The following LRRIQ3 variants were observed in gnomAD, a reference collection of about 807,000 sequenced individuals.
LRRIQ3 encodes leucine rich repeats and IQ motif containing 3, also known as leucine-rich repeat and IQ domain-containing protein 3.
A neutral mutation model predicts 59.3 loss-of-function variants in LRRIQ3; 75 were observed. The ratio of observed to expected loss-of-function variants is 1.26; its 90% CI spans 1.05 to 1.53. The LOEUF is 1.53. Ranked by LOEUF, LRRIQ3 falls within the 40% of genes most tolerant of loss-of-function variation. LRRIQ3 has a pLI of 0.00. For missense variants in LRRIQ3, 831 were observed against 710.0 expected (o/e 1.17, Z -1.94); for synonymous variants, 250 against 231.3 (o/e 1.08, Z -0.73).
At chr1:74,085,113 G>C (rs1233330175) in intron 5 of LRRIQ3, among the ~76,000 whole-genome samples, 2 of 151,648 alleles carry the variant, frequency 1.3e-5, no homozygotes, top group African/African-American at 2.4e-5. Context: ...ATGATAAGCA[G>C]ATTCTGTCAG....
intron 5 of LRRIQ3, among the ~76,000 whole-genome samples, chr1:74,105,677 C>T (rs1203312989): frequency 6.6e-6 from 1 of 151,794 alleles, no homozygotes; most frequent in Non-Finnish European, 1.5e-5. Context: ...AATAATACAT[C>T]TAATAATAAT....
chr1:74,162,334 A>G (rs976318153), intron 3 of LRRIQ3, among the ~76,000 whole-genome samples: 14 of 151,876 alleles, frequency 9.2e-5, no homozygotes, highest in South Asian at 2.1e-4. Flanking sequence ...GATAATCACT[A>G]CAAATGTTTT....
intron 3 of LRRIQ3, chr1:74,181,085 G>A: frequency 2.8e-6 from 1 of 354,354 alleles, no homozygotes; most frequent in Non-Finnish European, 5.2e-6. Context: ...CATATATTAG[G>A]TACTCAGTAT....
intron 6 of LRRIQ3, among the ~76,000 whole-genome samples, chr1:74,060,809 T>C (rs1398176067): frequency 1.3e-5 from 2 of 152,102 alleles, no homozygotes; most frequent in East Asian, 1.9e-4. Flanking sequence ...AAGGAAGGCA[T>C]TGAGAGTGGA....
At chr1:74,086,926 G>A (rs1557608558) in intron 5 of LRRIQ3, among the ~76,000 whole-genome samples, 1 of 151,982 alleles carries the variant, frequency 6.6e-6, no homozygotes, top group Admixed American at 6.6e-5. Flanking sequence ...CTTGTCATCT[G>A]TAACATTTCA....
At chr1:74,086,654 A>C (rs913035383) in intron 5 of LRRIQ3, among the ~76,000 whole-genome samples, 4 of 152,134 alleles carry the variant, frequency 2.6e-5, no homozygotes, top group Admixed American at 6.6e-5. Flanking sequence ...AAAGCTCTAA[A>C]AGTTATCAAA....
At chr1:74,067,977 A>C (rs1302031422) in intron 6 of LRRIQ3, among the ~76,000 whole-genome samples, 1 of 152,062 alleles carries the variant, frequency 6.6e-6, no homozygotes, top group Non-Finnish European at 1.5e-5. Flanking sequence ...AAACATAGTC[A>C]AGTACAACCA....
Position 74,041,678 on chromosome 1 carries a change from C to T in LRRIQ3, c.1253G>A (p.Arg418Gln), listed in dbSNP as rs770132340. 17 of 1,613,516 alleles carry T rather than the reference C, an allele frequency of 1.1e-5. No individual in the cohort carries two copies. Among genetic ancestry groups the T allele is most frequent in the Middle Eastern group, 1.7e-4 (1 of 6,056 alleles). The change falls in exon 7 of 8, where the codon CGA becomes CAA. Residue 418 changes from arginine (R) to glutamine (Q), a missense_variant. Coordinates refer to ENST00000354431, the MANE Select transcript of LRRIQ3 (RefSeq NM_001105659.2). ...FAPQRAGMKLRTFSDIDKYYT... is the reference protein window; with the variant it reads ...FAPQRAGMKLQTFSDIDKYYT... ...ATATTTGTCAATATCACTAAATGTTCGGAGTTTCATACCAGCTCTTTGTGG... is the reference window on the plus strand; with the variant it reads ...ATATTTGTCAATATCACTAAATGTTTGGAGTTTCATACCAGCTCTTTGTGG...
intron 6 of LRRIQ3, among the ~76,000 whole-genome samples, chr1:74,072,618 ATAGG>A (rs1348635531): frequency 2.0e-5 from 3 of 152,096 alleles, no homozygotes; most frequent in Non-Finnish European, 4.4e-5. Flanking sequence ...TATCTAGGAA[ATAGG>A]TCTACTGAGA....
At chr1:74,052,181 C>T (rs1282335799) in intron 6 of LRRIQ3, among the ~76,000 whole-genome samples, 2 of 152,028 alleles carry the variant, frequency 1.3e-5, no homozygotes, top group East Asian at 1.9e-4. Context: ...CCACCAGGAC[C>T]GCGCTGACTA....
intron 4 of LRRIQ3, among the ~76,000 whole-genome samples, chr1:74,135,709 T>C (rs1010425368): frequency 6.6e-6 from 1 of 151,912 alleles, no homozygotes; most frequent in African/African-American, 2.4e-5. Context: ...AAACACAACA[T>C]ATAAAACATT....
intron 4 of LRRIQ3, among the ~76,000 whole-genome samples, chr1:74,116,906 A>G (rs959082688): frequency 6.6e-6 from 1 of 152,102 alleles, no homozygotes; most frequent in African/African-American, 2.4e-5. Context: ...AACGATTATT[A>G]ATTTAAAAGA....
At chr1:74,129,350 T>G (rs1454848874) in intron 4 of LRRIQ3, among the ~76,000 whole-genome samples, 1 of 152,048 alleles carries the variant, frequency 6.6e-6, no homozygotes, top group African/African-American at 2.4e-5. Flanking sequence ...AGTCTCTCCC[T>G]GTAACTATCA....
At chr1:74,047,894 G>A (rs1447613345) in intron 6 of LRRIQ3, among the ~76,000 whole-genome samples, 1 of 152,154 alleles carries the variant, frequency 6.6e-6, no homozygotes, top group Non-Finnish European at 1.5e-5. Context: ...TGGTCATAAA[G>A]TGAAACCCTG....
chr1:74,079,663 T>C (rs1646251174), intron 5 of LRRIQ3, among the ~76,000 whole-genome samples: 1 of 151,798 alleles, frequency 6.6e-6, no homozygotes, highest in Non-Finnish European at 1.5e-5. Context: ...TACTCAATGC[T>C]GAGAATGTTC....
intron 5 of LRRIQ3, among the ~76,000 whole-genome samples, chr1:74,078,304 G>A (rs116500090): frequency 3.3e-5 from 5 of 151,788 alleles, no homozygotes; most frequent in African/African-American, 1.2e-4. Flanking sequence ...TCTGGTCAAC[G>A]TTTATATAAA....
intron 3 of LRRIQ3, among the ~76,000 whole-genome samples, chr1:74,168,080 A>C (rs990474882): frequency 2.6e-5 from 4 of 152,068 alleles, no homozygotes; most frequent in Middle Eastern, 3.2e-3. Flanking sequence ...GGTGTTCTAT[A>C]AATGTCAATT....
At chr1:74,113,777 A>G (rs1189464369) in intron 4 of LRRIQ3, among the ~76,000 whole-genome samples, 1 of 152,118 alleles carries the variant, frequency 6.6e-6, no homozygotes, top group Non-Finnish European at 1.5e-5. Context: ...TTACGAGCTA[A>G]TAAAGGAAGT....
chr1:74,041,354 G>C lies in LRRIQ3; in HGVS notation c.1577C>G (p.Thr526Ser). ...LLVQNLNNER[T>S]LLTRGLLKID... ...TTTAAGTAGTCCTCTGGTCAAAAGA[G>C]TGCGCTCATTATTTAAGTTTTGAAC... is the stretch of plus-strand genomic sequence containing the variant. Residue 526 changes from threonine to serine, a missense_variant, in exon 7 of 8, where the codon ACT becomes AGT. Coordinates refer to ENST00000354431, the MANE Select transcript of LRRIQ3 (RefSeq NM_001105659.2). 1.2e-6 allele frequency: 2 copies of C among 1,613,862 alleles called. No homozygotes were observed. Among genetic ancestry groups the C allele is most frequent in the Non-Finnish European group, 1.7e-6 (2 of 1,179,904 alleles).
Sources: gnomAD v4.1 joint callset for allele counts (sites outside exome capture counted in the v4.1 genomes callset) on GRCh38, gnomAD v4.1.1 for gene constraint, MANE v1.5 for transcripts, NCBI Gene and HGNC (gene_info 2026-07-23, HGNC 2026-07-21) for gene names.